Variants in SENP5 observed in about 807,000 individuals in gnomAD.
SENP5 encodes sentrin-specific protease 5.
Under a neutral mutation model 74.2 loss-of-function variants are expected in SENP5, and 21 were observed. That is an observed-to-expected ratio of 0.28 (90% CI 0.20 to 0.41). The LOEUF is 0.41. Among genes scored for constraint, SENP5 ranks in the 10% least tolerant of loss-of-function variants. The pLI is 1.00. For missense variants in SENP5, 717 were observed against 889.1 expected, an observed-to-expected ratio of 0.81 and a Z score of 2.46; for synonymous variants, 311 against 312.7, an observed-to-expected ratio of 0.99 and a Z score of 0.06.
chr3:196,930,740 TTAGTAAAACA>T, intron 9 of SENP5, 63 bp from the exon 10 acceptor site: 1 of 965,004 alleles, frequency 1.0e-6, no homozygotes, highest in African/African-American at 1.6e-5. Flanking sequence ...AGGTCTGCAT[TTAGTAAAACA>T]GAATGGGCTG....
chr3:196,909,939 G>A (rs1577832394), intron 6 of SENP5, among the ~76,000 whole-genome samples: 2 of 152,094 alleles, frequency 1.3e-5, no homozygotes, highest in Non-Finnish European at 2.9e-5. Context: ...AGGGTATTCA[G>A]ATAGAAAGAG....
At chr3:196,930,723 C>T in intron 9 of SENP5, 90 bp from the exon 10 acceptor site, 1 of 843,836 alleles carries the variant, frequency 1.2e-6, no homozygotes, top group Non-Finnish European at 2.0e-6. Context: ...CTGCCTTAGA[C>T]ACTATTAGGT....
chr3:196,884,980 AG>A (rs1339579367), intron 1 of SENP5, among the ~76,000 whole-genome samples, 170 bp from the exon 2 acceptor site: 2 of 152,080 alleles, frequency 1.3e-5, no homozygotes, highest in East Asian at 3.8e-4. Flanking sequence ...CCTCCTCTCC[AG>A]TTTTCATTGT....
intron 1 of SENP5, among the ~76,000 whole-genome samples, chr3:196,871,540 AG>A (rs1478021653): frequency 6.6e-6 from 1 of 152,188 alleles, no homozygotes; most frequent in East Asian, 1.9e-4. Flanking sequence ...AAAATTTTCA[AG>A]AATTTTTTAA....
At chr3:196,895,388 A>G (rs200288833) in intron 2 of SENP5, among the ~76,000 whole-genome samples, 46 of 151,216 alleles carry the variant, frequency 3.0e-4, no homozygotes, top group African/African-American at 1.1e-3. Flanking sequence ...GGGTTCCACC[A>G]TGTTAGCCAG....
At chr3:196,892,451 G>A (rs1714252255) in intron 2 of SENP5, among the ~76,000 whole-genome samples, 1 of 152,110 alleles carries the variant, frequency 6.6e-6, no homozygotes, top group East Asian at 1.9e-4. Context: ...CTGACCTAAA[G>A]ATTATTTTTA....
chr3:196,902,784 T>A (rs1714750287), intron 5 of SENP5, among the ~76,000 whole-genome samples: 1 of 152,234 alleles, frequency 6.6e-6, no homozygotes, highest in Non-Finnish European at 1.5e-5. Flanking sequence ...TGATACTCTG[T>A]ACAGCCAGGG....
chr3:196,906,649 G>A (rs1476827838), intron 6 of SENP5, among the ~76,000 whole-genome samples: 1 of 152,228 alleles, frequency 6.6e-6, no homozygotes, highest in African/African-American at 2.4e-5. Flanking sequence ...GAAGGAATAA[G>A]TATCTGGTAG....
chr3:196,899,272 T>C (rs6583186), intron 2 of SENP5, among the ~76,000 whole-genome samples: 103,171 of 152,006 alleles, frequency 0.68, 35,896 homozygotes, highest in Non-Finnish European at 0.75. Context: ...GATTTTAAAA[T>C]AATAATTCTT....
At chr3:196,897,744 A>C (rs1229783679) in intron 2 of SENP5, among the ~76,000 whole-genome samples, 1 of 152,260 alleles carries the variant, frequency 6.6e-6, no homozygotes, top group African/African-American at 2.4e-5. Flanking sequence ...TTAACTCAGC[A>C]GACTTAACCG....
chr3:196,928,239 C>A (rs140112915), intron 8 of SENP5, among the ~76,000 whole-genome samples: 9 of 152,248 alleles, frequency 5.9e-5, no homozygotes, highest in Non-Finnish European at 1.2e-4. Flanking sequence ...CTATTTGGAT[C>A]CACTGAGGGG....
At chr3:196,924,961 C>T (rs530938612) in intron 7 of SENP5, among the ~76,000 whole-genome samples, 24 of 152,140 alleles carry the variant, frequency 1.6e-4, no homozygotes, top group African/African-American at 5.3e-4. Flanking sequence ...GAAAGATGTC[C>T]AAGGCATAGA....
chr3:196,877,729 T>G (rs1024128705), intron 1 of SENP5, among the ~76,000 whole-genome samples: 5 of 152,228 alleles, frequency 3.3e-5, no homozygotes, highest in Non-Finnish European at 7.3e-5. Flanking sequence ...ACTTTTTCCC[T>G]GTAATTTAGA....
intron 6 of SENP5, among the ~76,000 whole-genome samples, 162 bp from the exon 7 acceptor site, chr3:196,923,252 C>A (rs1251647842): frequency 6.6e-6 from 1 of 152,226 alleles, no homozygotes; most frequent in Non-Finnish European, 1.5e-5. Context: ...TTAATAGTTA[C>A]AAGCATGGGC....
chr3:196,922,350 T>TCAGAG (rs1469315759), intron 6 of SENP5, among the ~76,000 whole-genome samples: 1 of 152,220 alleles, frequency 6.6e-6, no homozygotes, highest in Non-Finnish European at 1.5e-5. Flanking sequence ...CAGACTTGCT[T>TCAGAG]CAGAGCCCAT....
intron 1 of SENP5, among the ~76,000 whole-genome samples, chr3:196,880,638 C>CTTT (rs56188124): frequency 0.042 from 4,245 of 101,884 alleles, 150 homozygotes; most frequent in Middle Eastern, 0.058. Context: ...GCCAGTTATT[C>CTTT]TTTTTTTTTT....
At chr3:196,918,449 GTTGTTTGC>G (rs1715477034) in intron 6 of SENP5, among the ~76,000 whole-genome samples, 1 of 149,162 alleles carries the variant, frequency 6.7e-6, no homozygotes, top group Non-Finnish European at 1.5e-5. Context: ...TTTATAAGAT[GTTGTTTGC>G]AAGCCTCATG....
At chr3:196,873,865 ATTTAAT>A (rs1713334126) in intron 1 of SENP5, among the ~76,000 whole-genome samples, 1 of 151,940 alleles carries the variant, frequency 6.6e-6, no homozygotes, top group South Asian at 2.1e-4. Flanking sequence ...AAAAAACATA[ATTTAAT>A]TTTAATTAGT....
At chr3:196,884,664 G>GTTTTTTTTT (rs199659730) in intron 1 of SENP5, among the ~76,000 whole-genome samples, 2 of 121,402 alleles carry the variant, frequency 1.6e-5, no homozygotes. Context: ...ACAGAAATCA[G>GTTTTTTTTT]TTTTTTTTTG....
Sources: allele counts gnomAD v4.1 joint callset (sites outside exome capture counted in the v4.1 genomes callset), GRCh38; gene constraint gnomAD v4.1.1; transcripts MANE v1.5; gene names NCBI Gene and HGNC (gene_info 2026-07-23, HGNC 2026-07-21).